ARVCF: variants seen among roughly 807,000 people sequenced by gnomAD.
ARVCF encodes the protein splicing regulator ARVCF.
Under a neutral mutation model 90.9 loss-of-function variants are expected in ARVCF, and 66 were observed. That is an observed-to-expected ratio of 0.73 (90% CI 0.60 to 0.89). ARVCF has a LOEUF of 0.89. Ranked by LOEUF, ARVCF falls within the 40% of genes least tolerant of loss-of-function variation. The pLI is 0.00. For synonymous variants in ARVCF, 653 were observed against 603.4 expected, an observed-to-expected ratio of 1.08 and a Z score of -1.21; for missense variants, 1,469 against 1,382.3, an observed-to-expected ratio of 1.06 and a Z score of -1.00.
chr22:19,972,620 G>A, intron 16 of ARVCF, 117 bp downstream of exon 16: 1 of 1,217,036 alleles, frequency 8.2e-7, no homozygotes, highest in African/African-American at 1.5e-5. Flanking sequence ...AGGGAAAGTG[G>A]CCTATGGAAG....
chr22:20,005,320 C>A (rs2146467439), intron 2 of ARVCF, among the ~76,000 whole-genome samples: 1 of 149,166 alleles, frequency 6.7e-6, no homozygotes, highest in Admixed American at 6.7e-5. Flanking sequence ...TAGGGAAGAG[C>A]AAATCAAGGC....
intron 11 of ARVCF, among the ~76,000 whole-genome samples, chr22:19,975,150 G>A (rs1943078732): frequency 1.3e-5 from 2 of 152,274 alleles, no homozygotes; most frequent in South Asian, 4.1e-4. Context: ...CCCTCCTGCG[G>A]CTGGAGCCCT....
rs1017910720 is a variant in ARVCF at position 19,978,078 on chromosome 22, G to A, written c.1581-3C>T. Reference sequence around the variant, plus strand: ...CAGCACCATCGGAGCTCACATTCCTGTGTGGCCAAGAGCAGGCCAGGTGAC... The same window carrying A: ...CAGCACCATCGGAGCTCACATTCCTATGTGGCCAAGAGCAGGCCAGGTGAC... On this transcript the variant is annotated splice_polypyrimidine_tract_variant and splice_region_variant and intron_variant, in intron 7 of 19. Coordinates refer to ENST00000263207, the MANE Select transcript of ARVCF (RefSeq NM_001670.3). 2 of 1,602,234 alleles carry A rather than the reference G, an allele frequency of 1.2e-6. No individual in the cohort carries two copies. The highest frequency in any genetic ancestry group is 2.7e-5 in the African/African-American group (2 of 74,716).
At chr22:19,979,380 C>T (rs1018289147) in intron 6 of ARVCF, 11 of 515,432 alleles carry the variant, frequency 2.1e-5, no homozygotes, top group African/African-American at 9.6e-5. Context: ...CACAGAGACA[C>T]GGTGACCCTA....
At chr22:20,015,917 G>C (rs1945082043) in intron 1 of ARVCF, among the ~76,000 whole-genome samples, 1 of 152,224 alleles carries the variant, frequency 6.6e-6, no homozygotes, top group Non-Finnish European at 1.5e-5. Context: ...AATTAAAATA[G>C]GCTGGAGCTC....
intron 7 of ARVCF, among the ~76,000 whole-genome samples, 157 bp from the exon 8 acceptor site, chr22:19,978,232 G>C (rs145995467): frequency 6.6e-6 from 1 of 152,300 alleles, no homozygotes; most frequent in Non-Finnish European, 1.5e-5. Flanking sequence ...CTCAGTGAAG[G>C]GGGAGAAGCT....
In ARVCF at chr22:20,005,279, C is replaced by G. The variant is rs145896566; in HGVS notation, c.-19+5176G>C. The stretch of plus-strand genomic sequence containing the variant: ...AAGATATATAAACGGCCAACAAGCA[C>G]GTTAAAAAATTTGCTCAACATTTCT... On this transcript the variant is annotated intron_variant, in intron 2 of 19. Transcript: ENST00000263207. Among the ~76,000 whole-genome samples the G allele has an allele frequency of 2.0e-5, 3 of 150,926 alleles. No homozygotes were observed. The East Asian group carries it at 5.8e-4, about 29-fold the overall frequency.
At chr22:19,985,491 TCACG>T (rs1477338167) in intron 3 of ARVCF, among the ~76,000 whole-genome samples, 1 of 152,210 alleles carries the variant, frequency 6.6e-6, no homozygotes, top group Non-Finnish European at 1.5e-5. Flanking sequence ...CTGGGCCCCA[TCACG>T]CACCTTCGGC....
intron 2 of ARVCF, among the ~76,000 whole-genome samples, chr22:19,991,083 G>A (rs751788419): frequency 9.9e-5 from 15 of 152,238 alleles, no homozygotes; most frequent in Middle Eastern, 3.2e-3. Context: ...GGCCGTGGGC[G>A]GCTTGGAGCC....
At chr22:19,999,851 G>A (rs1409292694) in intron 2 of ARVCF, among the ~76,000 whole-genome samples, 8 of 152,150 alleles carry the variant, frequency 5.3e-5, no homozygotes, top group African/African-American at 1.7e-4. Context: ...TTCAGCCTGT[G>A]AAGCCGAGAG....
chr22:20,000,143 AC>A (rs1437816450), intron 2 of ARVCF, among the ~76,000 whole-genome samples: 2 of 152,160 alleles, frequency 1.3e-5, no homozygotes, highest in Admixed American at 1.3e-4. Flanking sequence ...TGAGATCTTG[AC>A]CCAGCATGAA....
chr22:19,971,417 G>A (rs1446436483), intron 18 of ARVCF, 82 bp from the exon 19 acceptor site: 26 of 1,457,582 alleles, frequency 1.8e-5, no homozygotes, highest in Admixed American at 1.2e-4. Context: ...GGGCAGGGCC[G>A]AGGCTGGCGA....
intron 8 of ARVCF, 133 bp downstream of exon 8, chr22:19,977,825 C>T (rs1002748535): frequency 1.6e-5 from 18 of 1,140,990 alleles, no homozygotes; most frequent in Middle Eastern, 3.0e-4. Flanking sequence ...CACTGCGAGG[C>T]GGGCCACACC....
At chr22:20,001,901 C>T (rs1286725576) in intron 2 of ARVCF, among the ~76,000 whole-genome samples, 2 of 152,186 alleles carry the variant, frequency 1.3e-5, no homozygotes, top group Non-Finnish European at 2.9e-5. Flanking sequence ...GTAGAAAACA[C>T]GCAGTGTGAG....
chr22:20,010,670 T>C (rs935794011), intron 1 of ARVCF, among the ~76,000 whole-genome samples, 162 bp from the exon 2 acceptor site: 2 of 152,194 alleles, frequency 1.3e-5, no homozygotes, highest in African/African-American at 4.8e-5. Flanking sequence ...CACTCATGTG[T>C]ACCTTCTTGC....
intron 2 of ARVCF, among the ~76,000 whole-genome samples, chr22:20,003,683 G>A (rs1004369308): frequency 6.6e-6 from 1 of 152,154 alleles, no homozygotes; most frequent in Non-Finnish European, 1.5e-5. Flanking sequence ...AGTCTGTCAT[G>A]ATAAAAACAC....
At chr22:19,998,246 C>G (rs895727414) in intron 2 of ARVCF, among the ~76,000 whole-genome samples, 3 of 152,242 alleles carry the variant, frequency 2.0e-5, no homozygotes, top group Admixed American at 6.5e-5. Flanking sequence ...CCTTTCCCCC[C>G]TCATTGGAAG....
chr22:19,979,113 C>T (rs370161309), intron 6 of ARVCF, 33 bp from the exon 7 acceptor site: 2 of 1,590,324 alleles, frequency 1.3e-6, no homozygotes, highest in South Asian at 2.2e-5. Flanking sequence ...CTGTGCTGAC[C>T]ATATGCACCG....
chr22:19,982,811 G>C (rs562703104), intron 3 of ARVCF, among the ~76,000 whole-genome samples: 1 of 152,224 alleles, frequency 6.6e-6, no homozygotes, highest in Non-Finnish European at 1.5e-5. Flanking sequence ...GGCGCCCCCA[G>C]TGACTGAGAC....
Sources: gnomAD v4.1 joint callset for allele counts (sites outside exome capture counted in the v4.1 genomes callset) on GRCh38, gnomAD v4.1.1 for gene constraint, MANE v1.5 for transcripts, NCBI Gene and HGNC (gene_info 2026-07-23, HGNC 2026-07-21) for gene names.